Variants in LTN1 observed in about 807,000 individuals in gnomAD.
LTN1 encodes listerin E3 ubiquitin protein ligase 1.
Under a neutral mutation model 201.2 loss-of-function variants are expected in LTN1, and 88 were observed. The ratio of observed to expected loss-of-function variants is 0.44; its 90% CI spans 0.37 to 0.52. The LOEUF (loss-of-function observed/expected upper bound fraction) is 0.52. Ranked by LOEUF, LTN1 falls within the 20% of genes least tolerant of loss-of-function variation. The pLI is 0.00. For synonymous variants in LTN1, 645 were observed against 713.5 expected (o/e 0.90, Z 1.53); for missense variants, 1,752 against 2,038.7 (o/e 0.86, Z 2.71).
chr21:28,965,949 T>A, intron 10 of LTN1, 43 bp from the exon 11 acceptor site: 1 of 1,288,246 alleles, frequency 7.8e-7, no homozygotes, highest in South Asian at 1.3e-5. Flanking sequence ...CTAGAACAAC[T>A]TTTTGTTTGA....
chr21:28,935,369 CT>C (rs1263914617), intron 26 of LTN1, 40 bp from the exon 27 acceptor site: 1 of 1,204,686 alleles, frequency 8.3e-7, no homozygotes, highest in African/African-American at 1.5e-5. Context: ...ACATATATTT[CT>C]TATATAGAAT....
In LTN1 at chr21:28,968,484, G is replaced by A. The variant is rs145899523; in HGVS notation, c.1311+982C>T. On this transcript the variant is annotated intron_variant, in intron 9 of 29. Coordinates refer to ENST00000361371, the MANE Select transcript of LTN1 (RefSeq NM_015565.3). ...CCTTCTCTCATCTCTGGTTCTAAAA[G>A]CCAAGCCAAACTTTCACAAAGCATA... Among the ~76,000 whole-genome samples the A allele has an allele frequency of 1.1e-3, 175 of 152,236 alleles. 1 individual carries two copies. The highest frequency in any genetic ancestry group is 3.5e-3 in the African/African-American group (144 of 41,558).
chr21:28,949,291 C>T, intron 18 of LTN1, among the ~76,000 whole-genome samples: 1 of 151,608 alleles, frequency 6.6e-6, no homozygotes, highest in African/African-American at 2.4e-5. Context: ...GTCATTTGTC[C>T]CTGTAATCTT....
intron 11 of LTN1, chr21:28,961,202 T>C (rs2084476222): frequency 6.6e-6 from 1 of 152,316 alleles, no homozygotes. Context: ...ACTGTAGATA[T>C]GTTCAATGAA....
At position 28,947,489 on chromosome 21, in the gene LTN1, A is replaced by T. The variant is rs148129996; in HGVS notation, c.3462T>A (p.Thr1154=). 97 of 1,542,452 alleles carry T rather than the reference A, an allele frequency of 6.3e-5. No individual in the cohort carries two copies. In the African/African-American group the frequency reaches 1.3e-3, roughly 21 times the overall value. ...CATTAGTGCTGCAAAGATCTTTCTT[A>T]GTCCAGCCCAAAAGAGCAGGTATAC... ...AQCIPALLGW[T]KKDLCSTNGG... Residue 1154 remains threonine, a synonymous_variant, in exon 19 of 30, where the codon ACT becomes ACA. Coordinates refer to ENST00000361371, the MANE Select transcript of LTN1 (RefSeq NM_015565.3).
At position 28,928,228 on chromosome 21, in the gene LTN1, T is replaced by C. The variant is rs1017338937; in HGVS notation, c.*2220A>G. 6.6e-6 allele frequency: 1 copy of C among 152,612 alleles called. No individual in the cohort carries two copies. The highest frequency in any genetic ancestry group is 2.4e-5 in the African/African-American group (1 of 41,444). 9.5% of individuals were successfully genotyped at this position (152,612 alleles called of 1,614,324 possible). On this transcript the variant is annotated 3_prime_UTR_variant, in exon 30 of 30. Coordinates refer to ENST00000361371, the MANE Select transcript of LTN1 (RefSeq NM_015565.3). ...AGTATGTGAAGGGTACAAGGGCATTTATATTATTATTTTTCTGCATATTTG... is the reference window on the plus strand; with the variant it reads ...AGTATGTGAAGGGTACAAGGGCATTCATATTATTATTTTTCTGCATATTTG...
chr21:28,959,092 C>G (rs1189545405), intron 13 of LTN1, among the ~76,000 whole-genome samples: 1 of 151,930 alleles, frequency 6.6e-6, no homozygotes, highest in Non-Finnish European at 1.5e-5. Context: ...TGATATACAC[C>G]AAAGATTGAA....
At chr21:28,959,739 T>A (rs1013757200) in intron 12 of LTN1, 42 bp from the exon 13 acceptor site, 1 of 1,443,752 alleles carries the variant, frequency 6.9e-7, no homozygotes, top group Non-Finnish European at 9.3e-7. Flanking sequence ...ATAAAAATAT[T>A]AACGTGTATT....
At chr21:28,976,168 T>C (rs2084613782) in intron 6 of LTN1, among the ~76,000 whole-genome samples, 1 of 152,042 alleles carries the variant, frequency 6.6e-6, no homozygotes, top group Non-Finnish European at 1.5e-5. Context: ...TATAAGTATA[T>C]ATACATGTAG....
chr21:28,956,939 T>G lies in LTN1; in HGVS notation c.2902A>C (p.Arg968=). Residue 968 remains arginine (R), a synonymous_variant, in exon 16 of 30, where the codon AGA becomes CGA. Coordinates refer to ENST00000361371, the MANE Select transcript of LTN1 (RefSeq NM_015565.3). ...CTCAATCTTCCCTCTAAAAGAGGTC[T>G]ATGTAACCACTGTGAAAAGAATACG... ...RQSLPMQWLH[R]PLLEGRLSLN... The G allele has an allele frequency of 1.3e-6, 2 of 1,585,306 alleles. No individual in the cohort carries two copies. Among genetic ancestry groups the G allele is most frequent in the Non-Finnish European group, 1.7e-6 (2 of 1,165,196 alleles).
chr21:28,976,193 C>T (rs1416758899), intron 6 of LTN1, among the ~76,000 whole-genome samples: 6 of 152,084 alleles, frequency 3.9e-5, no homozygotes. Flanking sequence ...GTGTACACAT[C>T]TGTCAAAACT....
At chr21:28,975,419 T>C (rs995204209) in intron 6 of LTN1, among the ~76,000 whole-genome samples, 9 of 152,142 alleles carry the variant, frequency 5.9e-5, no homozygotes, top group South Asian at 4.2e-4. Context: ...ATCAGGGAAA[T>C]GCAAATTAAA....
chr21:28,943,771 T>G lies in LTN1; in HGVS notation c.4116A>C (p.Lys1372Asn). The change falls in exon 23 of 30, where the codon AAA becomes AAC. Residue 1372 changes from lysine to asparagine, a missense_variant. Transcript: ENST00000361371. Reference sequence around the variant, plus strand: ...TCTGGAGATATTCTGGTAAGTTTGTTTTTTGGTCAGCAACTAATCTTGCAG... The same window carrying G: ...TCTGGAGATATTCTGGTAAGTTTGTGTTTTGGTCAGCAACTAATCTTGCAG... ...KLPARLVADQ[K>N]TNLPEYLQTL... 1.9e-6 allele frequency: 3 copies of G among 1,613,770 alleles called. No homozygotes were observed. Among genetic ancestry groups the G allele is most frequent in the Middle Eastern group, 1.6e-4 (1 of 6,080 alleles).
At chr21:28,992,104 G>A (rs886511258) in intron 1 of LTN1, among the ~76,000 whole-genome samples, 3 of 152,186 alleles carry the variant, frequency 2.0e-5, no homozygotes, top group Non-Finnish European at 4.4e-5. Flanking sequence ...ACATGGGAGT[G>A]GGGAAGGGCT....
At chr21:28,980,990 T>G in intron 6 of LTN1, 129 bp downstream of exon 6, 1 of 507,610 alleles carries the variant, frequency 2.0e-6, no homozygotes, top group Admixed American at 3.9e-5. Context: ...GGTAATTCAG[T>G]AAATGAATAG....
intron 26 of LTN1, 107 bp downstream of exon 26, chr21:28,936,419 C>G (rs182498295): frequency 5.5e-5 from 45 of 823,968 alleles, no homozygotes. Flanking sequence ...ATTCTCATAG[C>G]CAGGACCCAC....
At chr21:28,936,763 C>T in intron 25 of LTN1, 66 bp from the exon 26 acceptor site, 3 of 1,254,192 alleles carry the variant, frequency 2.4e-6, no homozygotes, top group Non-Finnish European at 3.4e-6. Context: ...AAAAGAACAA[C>T]TCAAAGTGTA....
At chr21:28,975,190 A>G (rs868259012) in intron 6 of LTN1, among the ~76,000 whole-genome samples, 1 of 152,330 alleles carries the variant, frequency 6.6e-6, no homozygotes, top group Middle Eastern at 3.4e-3. Context: ...AGCTATTAAA[A>G]CTATACTCAA....
At chr21:28,937,463 T>C (rs1386212460) in intron 25 of LTN1, among the ~76,000 whole-genome samples, 1 of 152,176 alleles carries the variant, frequency 6.6e-6, no homozygotes, top group Non-Finnish European at 1.5e-5. Flanking sequence ...TATAGGCATA[T>C]AATATGTACT....
Sources: allele counts gnomAD v4.1 joint callset (sites outside exome capture counted in the v4.1 genomes callset), GRCh38; gene constraint gnomAD v4.1.1; transcripts MANE v1.5; gene names NCBI Gene and HGNC (gene_info 2026-07-23, HGNC 2026-07-21).